Variants in CERT1 observed in about 807,000 individuals in gnomAD.
The protein encoded by CERT1 is ceramide transporter 1, also known as ceramide transfer protein.
In CERT1, 31 loss-of-function variants were observed where a neutral mutation model predicts 87.9. That is an observed-to-expected ratio of 0.35 (90% CI 0.27 to 0.48). CERT1 has a LOEUF of 0.48. CERT1 is among the 20% of genes least tolerant of loss of function. The probability of loss-of-function intolerance (pLI) is 0.99; values close to 1 mark genes in which losing one functional copy is unlikely to be tolerated. For synonymous variants in CERT1, 289 were observed against 250.9 expected (o/e 1.15, Z -1.44); for missense variants, 487 against 758.0 (o/e 0.64, Z 4.20).
intron 2 of CERT1, among the ~76,000 whole-genome samples, chr5:75,493,207 T>A (rs2112434299): frequency 6.6e-6 from 1 of 152,330 alleles, no homozygotes; most frequent in South Asian, 2.1e-4. Context: ...CTTACCATCA[T>A]TTGCCTTCAA....
chr5:75,505,832 A>C (rs773210490), intron 2 of CERT1, 150 bp downstream of exon 2: 11 of 524,128 alleles, frequency 2.1e-5, no homozygotes, highest in Non-Finnish European at 6.3e-6. Flanking sequence ...CAGTAAAATC[A>C]CTTTATGGAA....
chr5:75,426,582 C>T, intron 3 of CERT1, 104 bp from the exon 4 acceptor site: 2 of 749,250 alleles, frequency 2.7e-6, no homozygotes, highest in Non-Finnish European at 2.3e-6. Flanking sequence ...AATTGGCAGT[C>T]TGGGTGCACA....
chr5:75,501,268 T>C (rs1767358403), intron 2 of CERT1, among the ~76,000 whole-genome samples: 1 of 152,226 alleles, frequency 6.6e-6, no homozygotes, highest in African/African-American at 2.4e-5. Context: ...AATCACTATT[T>C]GGACTTAATT....
chr5:75,472,096 T>C (rs1159001016), intron 2 of CERT1, among the ~76,000 whole-genome samples: 2 of 152,142 alleles, frequency 1.3e-5, no homozygotes, highest in Non-Finnish European at 2.9e-5. Flanking sequence ...ACCATTGTAA[T>C]AGAATAGAGT....
chr5:75,395,555 C>CAAAAA (rs35109034), intron 11 of CERT1, among the ~76,000 whole-genome samples: 5 of 48,006 alleles, frequency 1.0e-4, no homozygotes, highest in African/African-American at 1.4e-4. Context: ...TGTCTCTTTA[C>CAAAAA]AAAAAAAAAA....
intron 7 of CERT1, among the ~76,000 whole-genome samples, chr5:75,412,426 A>C (rs1429544645): frequency 6.6e-6 from 1 of 152,232 alleles, no homozygotes; most frequent in Non-Finnish European, 1.5e-5. Flanking sequence ...TGATCATCAA[A>C]AATCATAAGA....
intron 2 of CERT1, among the ~76,000 whole-genome samples, chr5:75,473,712 C>T (rs1333263272): frequency 1.3e-5 from 2 of 152,054 alleles, no homozygotes; most frequent in Non-Finnish European, 2.9e-5. Flanking sequence ...TTGAAAAATG[C>T]TGAGAGTGGA....
Position 75,491,798 on chromosome 5 carries a change from A to G in CERT1, c.231+14184T>C, listed in dbSNP as rs999781010. Among the ~76,000 whole-genome samples the G allele has an allele frequency of 3.3e-5, 5 of 152,248 alleles. No homozygotes were observed. In the East Asian group the frequency reaches 7.7e-4, roughly 24 times the overall value. On this transcript the variant is annotated intron_variant, in intron 2 of 16. Transcript: ENST00000643780. ...AAGTTATTTTGTATCTTTTAGGGAG[A>G]TAACATTTTGGGATGCGGCTTACCA...
At chr5:75,468,488 G>C (rs1280555180) in intron 2 of CERT1, among the ~76,000 whole-genome samples, 1 of 152,094 alleles carries the variant, frequency 6.6e-6, no homozygotes, top group African/African-American at 2.4e-5. Flanking sequence ...ATCCAGGTTG[G>C]TATCTGTGAA....
At chr5:75,501,436 G>A (rs1767364262) in intron 2 of CERT1, among the ~76,000 whole-genome samples, 2 of 152,102 alleles carry the variant, frequency 1.3e-5, no homozygotes, top group African/African-American at 4.8e-5. Flanking sequence ...AAGATATGAG[G>A]TATACAAAGG....
At chr5:75,462,737 G>A (rs1238325686) in intron 2 of CERT1, among the ~76,000 whole-genome samples, 1 of 152,170 alleles carries the variant, frequency 6.6e-6, no homozygotes, top group Non-Finnish European at 1.5e-5. Flanking sequence ...GCCCACGCCT[G>A]TAATCCCAGC....
intron 5 of CERT1, among the ~76,000 whole-genome samples, chr5:75,421,404 A>G (rs1044265952): frequency 6.6e-6 from 1 of 152,208 alleles, no homozygotes; most frequent in Non-Finnish European, 1.5e-5. Context: ...TCAATCATCT[A>G]TAACAACTCT....
At chr5:75,413,458 A>G (rs1463107660) in intron 7 of CERT1, among the ~76,000 whole-genome samples, 4 of 152,212 alleles carry the variant, frequency 2.6e-5, no homozygotes, top group East Asian at 1.9e-4. Flanking sequence ...CACCAGAATG[A>G]CTAAGCCAGG....
intron 2 of CERT1, among the ~76,000 whole-genome samples, chr5:75,473,526 T>A (rs528201384): frequency 2.6e-5 from 4 of 152,142 alleles, no homozygotes; most frequent in African/African-American, 7.2e-5. Context: ...AAAAAGTTGA[T>A]CTCATGGAAA....
chr5:75,499,695 G>A (rs1053385004), intron 2 of CERT1, among the ~76,000 whole-genome samples: 1 of 152,076 alleles, frequency 6.6e-6, no homozygotes, highest in Non-Finnish European at 1.5e-5. Context: ...TAAGCACTTC[G>A]GAATTAAGAG....
At chr5:75,380,647 G>T (rs1761533637) in intron 16 of CERT1, among the ~76,000 whole-genome samples, 1 of 151,862 alleles carries the variant, frequency 6.6e-6, no homozygotes, top group Non-Finnish European at 1.5e-5. Context: ...AACTAGCCAG[G>T]CGTGGTTGTG....
rs376675184 is a variant in CERT1, at chr5:75,387,751, GA to G, written c.1285-1718del. On this transcript the variant is annotated intron_variant, in intron 12 of 16. Transcript: ENST00000643780. ...GAGCAAAACTCTGTCTCAAAAAAAAGAAAAAAAAAAAAAGATACTTTTCATA... is the reference window on the plus strand; with the variant it reads ...GAGCAAAACTCTGTCTCAAAAAAAAGAAAAAAAAAAAAGATACTTTTCATA... Among the ~76,000 whole-genome samples the G allele has an allele frequency of 3.9e-3, 508 of 129,214 alleles. 1 individual carries two copies. The highest frequency in any genetic ancestry group is 0.032 in the East Asian group (144 of 4,450). The allele number at this position is 129,214 out of a possible 152,430, so 84.8% of individuals were successfully genotyped here. A position where few individuals can be genotyped will look rare whatever the true frequency, so the allele number is the denominator to read the frequency against.
intron 2 of CERT1, among the ~76,000 whole-genome samples, chr5:75,462,432 G>A (rs1187714362): frequency 2.0e-5 from 3 of 152,168 alleles, no homozygotes; most frequent in Admixed American, 1.3e-4. Context: ...GCACTCCTAT[G>A]AGAATCTAAT....
At chr5:75,505,888 T>A (rs981890593) in intron 2 of CERT1, 94 bp downstream of exon 2, 1 of 905,086 alleles carries the variant, frequency 1.1e-6, no homozygotes, top group Non-Finnish European at 1.7e-6. Context: ...ATCTTTATCT[T>A]ATCCACGGAT....
Sources: gnomAD v4.1 joint callset for allele counts (sites outside exome capture counted in the v4.1 genomes callset) on GRCh38, gnomAD v4.1.1 for gene constraint, MANE v1.5 for transcripts, NCBI Gene and HGNC (gene_info 2026-07-23, HGNC 2026-07-21) for gene names.